OR56A1: variants seen among roughly 807,000 people sequenced by gnomAD.
The protein encoded by OR56A1 is olfactory receptor 56A1.
For synonymous variants in OR56A1, 174 were observed against 159.1 expected (o/e 1.09, Z -0.70); for missense variants, 360 against 380.9 (o/e 0.94, Z 0.46).
upstream of OR56A1, among the ~76,000 whole-genome samples, chr11:6,032,384 T>C (rs1465542747): frequency 6.6e-6 from 1 of 152,148 alleles, no homozygotes; most frequent in Non-Finnish European, 1.5e-5. Flanking sequence ...TAGCATGTTG[T>C]TTTTGTACCT....
At chr11:6,029,466 A>G (rs1848492183) in intron 1 of OR56A1, among the ~76,000 whole-genome samples, 1 of 151,882 alleles carries the variant, frequency 6.6e-6, no homozygotes, top group South Asian at 2.1e-4. Flanking sequence ...AAGCATTTAC[A>G]CTCACTGTCT....
At position 6,024,790 on chromosome 11, in the gene OR56A1, C is replaced by T. The variant is rs1014549663; in HGVS notation, c.*1958G>A. The T allele has an allele frequency of 3.3e-5, 5 of 152,118 alleles. No individual in the cohort carries two copies. The highest frequency in any genetic ancestry group is 1.2e-4 in the African/African-American group (5 of 41,420). 9.4% of individuals were successfully genotyped at this position (152,118 alleles called of 1,614,324 possible). ...ACAGTGAGAGATAAAACTCTCTTAG[C>T]AACTGTGAAATGGAGAGAAGTTCTA... On this transcript the variant is annotated 3_prime_UTR_variant, in exon 2 of 2. Transcript: ENST00000641900.
At position 6,027,234 on chromosome 11, in the gene OR56A1, C is replaced by T. The variant is rs745387202; in HGVS notation, c.459G>A (p.Val153=). Reference sequence around the variant, plus strand: ...TGGGTGCAGTAAGAAGCGCATTCCGCACCACAATGAAGACACTAGCTTTGG... The same window carrying T: ...TGGGTGCAGTAAGAAGCGCATTCCGTACCACAATGAAGACACTAGCTTTGG... ...FVAKASVFIV[V]RNALLTAPIP... The change falls in exon 2 of 2, where the codon GTG becomes GTA. Residue 153 remains valine (V), a synonymous_variant. Transcript: ENST00000641900. 6 of 1,614,178 alleles carry T rather than the reference C, an allele frequency of 3.7e-6. No homozygotes were observed. Among genetic ancestry groups the T allele is most frequent in the Non-Finnish European group, 5.1e-6 (6 of 1,179,990 alleles).
chr11:6,033,311 G>A (rs991008126), upstream of OR56A1, among the ~76,000 whole-genome samples: 1 of 151,788 alleles, frequency 6.6e-6, no homozygotes, highest in African/African-American at 2.4e-5. Flanking sequence ...GTTCCAGCAA[G>A]TGGAAGTACG....
chr11:6,032,085 T>C (rs189931108), upstream of OR56A1, among the ~76,000 whole-genome samples: 9 of 152,222 alleles, frequency 5.9e-5, no homozygotes, highest in African/African-American at 1.9e-4. Flanking sequence ...GGGTGTGTCA[T>C]TGGTAACCTG....
chr11:6,027,401 G>T lies in OR56A1; in HGVS notation c.292C>A (p.Pro98Thr). 6.2e-7 allele frequency: 1 copy of T among 1,614,218 alleles called. No homozygotes were observed. The highest frequency in any genetic ancestry group is 1.1e-5 in the South Asian group (1 of 91,082). The change falls in exon 2 of 2, where the codon CCT (proline) becomes ACT (threonine). Residue 98 changes from proline (P) to threonine (T), a missense_variant. Pro to Thr is a conservative substitution (Grantham distance 38, BLOSUM62 -1). Coordinates refer to ENST00000641900, the MANE Select transcript of OR56A1 (RefSeq NM_001388488.1). ...FWYDLRSISF[P>T]ACFLQMFIMN... is the part of the protein sequence containing the mutation. ...ATGAACATCTGGAGGAAGCAGGCAG[G>T]GAAGCTGATCGACCTAAGATCATAC... is the stretch of plus-strand genomic sequence containing the variant.
chr11:6,023,254 T>C lies in OR56A1; in HGVS notation c.*3494A>G, dbSNP rs1159330023. ...TTCTACAGTTGCAGTCTTGATGCTA[T>C]AAACTTTCTCTGATGTCTCAGAACT... On this transcript the variant is annotated 3_prime_UTR_variant, in exon 2 of 2. Transcript: ENST00000641900. The C allele has an allele frequency of 6.6e-6, 1 of 152,210 alleles. No individual in the cohort carries two copies. Among genetic ancestry groups the C allele is most frequent in the Non-Finnish European group, 1.5e-5 (1 of 68,018 alleles). The allele number at this position is 152,210 out of a possible 1,614,324, so 9.4% of individuals were successfully genotyped here. A position where few individuals can be genotyped will look rare whatever the true frequency, so the allele number is the denominator to read the frequency against.
Position 6,026,065 on chromosome 11 carries a change from C to T in OR56A1, c.*683G>A, listed in dbSNP as rs1359157333. 2.0e-5 allele frequency: 3 copies of T among 152,200 alleles called. No homozygotes were observed. Among genetic ancestry groups the T allele is most frequent in the African/African-American group, 7.2e-5 (3 of 41,428 alleles). The allele number at this position is 152,200 out of a possible 1,614,324, so 9.4% of individuals were successfully genotyped here. A position where few individuals can be genotyped will look rare whatever the true frequency, so the allele number is the denominator to read the frequency against. On this transcript the variant is annotated 3_prime_UTR_variant, in exon 2 of 2. Transcript: ENST00000641900. ...AATGTCCTAGTCAGCTTTCCTGTTT[C>T]CTACTCTCTTAGGGTCCCCTCTACC...
intron 1 of OR56A1, among the ~76,000 whole-genome samples, chr11:6,028,301 G>GAA (rs200012140): frequency 7.1e-6 from 1 of 140,450 alleles, no homozygotes. Context: ...GAATAAAACT[G>GAA]AAAAAAAAAA....
rs145879154 is a variant in OR56A1 at position 6,027,424 on chromosome 11, T to A, written c.269A>T (p.Tyr90Phe). 1.0e-3 allele frequency: 1,608 copies of A among 1,614,122 alleles called. 10 individuals carry two copies. Among genetic ancestry groups the A allele is most frequent in the South Asian group, 6.2e-3 (565 of 91,066 alleles). ...VIPKVLAIFW[Y>F]DLRSISFPAC... Reference sequence around the variant, plus strand: ...AGGGAAGCTGATCGACCTAAGATCATACCAGAAGATGGCCAGGACCTTGGG... The same window carrying A: ...AGGGAAGCTGATCGACCTAAGATCAAACCAGAAGATGGCCAGGACCTTGGG... Residue 90 changes from tyrosine (Y) to phenylalanine (F), a missense_variant, in exon 2 of 2, where the codon TAT becomes TTT. Coordinates refer to ENST00000641900, the MANE Select transcript of OR56A1 (RefSeq NM_001388488.1).
chr11:6,026,335 G>T lies in OR56A1; in HGVS notation c.*413C>A, dbSNP rs761087712. 11 of 159,788 alleles carry T rather than the reference G, an allele frequency of 6.9e-5. No homozygotes were observed. Among genetic ancestry groups the T allele is most frequent in the Non-Finnish European group, 1.2e-4 (9 of 73,202 alleles). 9.9% of individuals were successfully genotyped at this position (159,788 alleles called of 1,614,324 possible). On this transcript the variant is annotated 3_prime_UTR_variant, in exon 2 of 2. Transcript: ENST00000641900. ...TACAGGTCAAAGGAAAGCAAAGGCT[G>T]GTCTTGAGCTTCAATTGCAATTGAT...
At chr11:6,031,688 A>T (rs1054007443), upstream of OR56A1, among the ~76,000 whole-genome samples, 4 of 152,208 alleles carry the variant, frequency 2.6e-5, no homozygotes. Flanking sequence ...AATGAGTAAG[A>T]TTAGTGTGTA....
rs773766921 is a variant in OR56A1, at chr11:6,027,640, A to T, written c.53T>A (p.Ile18Asn). The change falls in exon 2 of 2, where the codon ATC becomes AAC. Residue 18 changes from isoleucine (I) to asparagine (N), a missense_variant. Transcript: ENST00000641900. ...CCAACTCTGGAAGTTGGGGAAGCAG[A>T]TGAGGAGGAATTCAGAGACTGGGAC... ...STVPVSEFLL[I>N]CFPNFQSWQH... 4 of 1,610,950 alleles carry T rather than the reference A, an allele frequency of 2.5e-6. No homozygotes were observed. In the African/African-American group the frequency reaches 5.3e-5, roughly 21 times the overall value.
In OR56A1 at chr11:6,022,905, T is replaced by C. The variant is rs1848411286; in HGVS notation, c.*3843A>G. 6.6e-6 allele frequency: 1 copy of C among 152,214 alleles called. No homozygotes were observed. The highest frequency in any genetic ancestry group is 1.5e-5 in the Non-Finnish European group (1 of 68,030). 9.4% of individuals were successfully genotyped at this position (152,214 alleles called of 1,614,324 possible). A position where few individuals can be genotyped will look rare whatever the true frequency, so the allele number is the denominator to read the frequency against. On this transcript the variant is annotated 3_prime_UTR_variant, in exon 2 of 2. Coordinates refer to ENST00000641900, the MANE Select transcript of OR56A1 (RefSeq NM_001388488.1). ...GATAGTGTAATATGTTATGAAACAC[T>C]AAGGATATTCACTATTCTTATGAAT...
chr11:6,027,700 A>C lies in OR56A1; in HGVS notation c.-8T>G, dbSNP rs377650281. 5.7e-5 allele frequency: 89 copies of C among 1,569,668 alleles called. No homozygotes were observed. Among genetic ancestry groups the C allele is most frequent in the Non-Finnish European group, 7.2e-5 (83 of 1,158,516 alleles). ...GTTGCTGGGTGACGCCATAGGCTGAATCATGAGCTGAGTAGGCTTCTGATG... is the reference window on the plus strand; with the variant it reads ...GTTGCTGGGTGACGCCATAGGCTGACTCATGAGCTGAGTAGGCTTCTGATG... On this transcript the variant is annotated 5_prime_UTR_variant, in exon 2 of 2. Transcript: ENST00000641900.
rs558828955 is a variant in OR56A1 at position 6,019,456 on chromosome 11, A to C, written c.*7292T>G. 1.3e-5 allele frequency: 2 copies of C among 152,360 alleles called. No homozygotes were observed. Among genetic ancestry groups the C allele is most frequent in the East Asian group, 3.9e-4 (2 of 5,194 alleles). The allele number at this position is 152,360 out of a possible 1,614,324, so 9.4% of individuals were successfully genotyped here. A position where few individuals can be genotyped will look rare whatever the true frequency, so the allele number is the denominator to read the frequency against. On this transcript the variant is annotated 3_prime_UTR_variant, in exon 2 of 2. Coordinates refer to ENST00000641900, the MANE Select transcript of OR56A1 (RefSeq NM_001388488.1). ...TTATCTGAAACTGGGCAATTTACAA[A>C]AGAAATAGGTTTAATTGGACTTACA... is the stretch of plus-strand genomic sequence containing the variant.
rs1440800353 is a variant in OR56A1, at chr11:6,024,614, A to T, written c.*2134T>A. The T allele has an allele frequency of 6.6e-6, 1 of 152,196 alleles. No homozygotes were observed. 9.4% of individuals were successfully genotyped at this position (152,196 alleles called of 1,614,324 possible). ...AACTCACTTTTATGATCACGTATAG[A>T]AGGCTCTTATGAAAATTAAATATTA... On this transcript the variant is annotated 3_prime_UTR_variant, in exon 2 of 2. Transcript: ENST00000641900.
In OR56A1 at chr11:6,020,671, C is replaced by T. The variant is rs942936542; in HGVS notation, c.*6077G>A. On this transcript the variant is annotated 3_prime_UTR_variant, in exon 2 of 2. Coordinates refer to ENST00000641900, the MANE Select transcript of OR56A1 (RefSeq NM_001388488.1). ...TGTACATTAATTTTGTATCCTGCAA[C>T]TTTACTAACGTTTATCAGCTGGAGG... 2 of 152,110 alleles carry T rather than the reference C, an allele frequency of 1.3e-5. No individual in the cohort carries two copies. The highest frequency in any genetic ancestry group is 4.8e-5 in the African/African-American group (2 of 41,444). The allele number at this position is 152,110 out of a possible 1,614,324, so 9.4% of individuals were successfully genotyped here.
chr11:6,028,624 A>C (rs924578555), intron 1 of OR56A1, among the ~76,000 whole-genome samples: 17 of 152,156 alleles, frequency 1.1e-4, no homozygotes, highest in African/African-American at 4.1e-4. Flanking sequence ...CAAAAATACA[A>C]AAAATAACAG....
Sources: allele counts gnomAD v4.1 joint callset (sites outside exome capture counted in the v4.1 genomes callset), GRCh38; gene constraint gnomAD v4.1.1; transcripts MANE v1.5; gene names NCBI Gene and HGNC (gene_info 2026-07-23, HGNC 2026-07-21).